NKAIN2: variants seen among roughly 807,000 people sequenced by gnomAD.
NKAIN2 encodes the protein sodium/potassium-transporting ATPase subunit beta-1-interacting protein 2.
Under a neutral mutation model 32.6 loss-of-function variants are expected in NKAIN2, and 14 were observed. The ratio of observed to expected loss-of-function variants is 0.43; its 90% CI spans 0.28 to 0.67. The LOEUF (loss-of-function observed/expected upper bound fraction) is 0.67. Among genes scored for constraint, NKAIN2 ranks in the 30% least tolerant of loss-of-function variants. The pLI is 0.17. For missense variants in NKAIN2, 198 were observed against 258.3 expected (o/e 0.77, Z 1.60); for synonymous variants, 80 against 87.2 (o/e 0.92, Z 0.46).
In NKAIN2 at chr6:124,040,760, G is replaced by A. The variant is rs145813274; in HGVS notation, c.54+236506G>A. 5.1e-4 allele frequency among the ~76,000 whole-genome samples: 77 copies of A among 151,938 alleles called. 1 individual carries two copies. Among genetic ancestry groups the A allele is most frequent in the Admixed American group, 3.4e-3 (52 of 15,234 alleles). The stretch of plus-strand genomic sequence containing the variant: ...CAAATTCTTAAAGCTGTGTTACCAC[G>A]AACAAGTTACTTAACATCTTTGATC... On this transcript the variant is annotated intron_variant, in intron 1 of 6. Transcript: ENST00000368417.
intron 4 of NKAIN2, among the ~76,000 whole-genome samples, chr6:124,768,217 G>A (rs1006090423): frequency 6.6e-6 from 1 of 152,024 alleles, no homozygotes; most frequent in Non-Finnish European, 1.5e-5. Flanking sequence ...ATTTGTAGAT[G>A]GTATATTACT....
chr6:124,401,058 T>C lies in NKAIN2; in HGVS notation c.273+45711T>C, dbSNP rs1354628863. Reference sequence around the variant, plus strand: ...ACACAATGCATTGGTCTGTTATTTTTGTTGCTGTAAAATCTTACATTTTTA... The same window carrying C: ...ACACAATGCATTGGTCTGTTATTTTCGTTGCTGTAAAATCTTACATTTTTA... On this transcript the variant is annotated intron_variant, in intron 3 of 6. Coordinates refer to ENST00000368417, the MANE Select transcript of NKAIN2 (RefSeq NM_001040214.3). 2.6e-5 allele frequency among the ~76,000 whole-genome samples: 4 copies of C among 152,228 alleles called. No homozygotes were observed. The East Asian group carries it at 7.7e-4, about 29-fold the overall frequency.
In NKAIN2 at chr6:124,256,925, G is replaced by A. The variant is rs73563752; in HGVS notation, c.55-26080G>A. Among the ~76,000 whole-genome samples, 641 of 112,292 alleles carry A rather than the reference G, an allele frequency of 5.7e-3. 5 individuals carry two copies. Among genetic ancestry groups the A allele is most frequent in the African/African-American group, 0.02 (601 of 29,398 alleles). The allele number at this position is 112,292 out of a possible 152,430, so 73.7% of individuals were successfully genotyped here. On this transcript the variant is annotated intron_variant, in intron 1 of 6. Coordinates refer to ENST00000368417, the MANE Select transcript of NKAIN2 (RefSeq NM_001040214.3). ...TTTTTTTTTTGGTAAAATATTAGAT[G>A]ACAACTGATATACAAACAACGTGCA... is the stretch of plus-strand genomic sequence containing the variant.
intron 3 of NKAIN2, among the ~76,000 whole-genome samples, chr6:124,397,633 A>G (rs768671163): frequency 4.1e-5 from 6 of 145,846 alleles, no homozygotes; most frequent in Non-Finnish European, 8.9e-5. Context: ...AAATGTGGAA[A>G]AAAAAGAATT....
intron 3 of NKAIN2, among the ~76,000 whole-genome samples, chr6:124,596,243 C>T (rs1286502956): frequency 6.6e-6 from 1 of 152,084 alleles, no homozygotes; most frequent in Non-Finnish European, 1.5e-5. Flanking sequence ...AGGGATTACC[C>T]CTGGGGCTCC....
chr6:124,074,767 C>A (rs992437588), intron 1 of NKAIN2, among the ~76,000 whole-genome samples: 1 of 152,152 alleles, frequency 6.6e-6, no homozygotes, highest in African/African-American at 2.4e-5. Context: ...CTTGGAAGTC[C>A]ATGGAACTGG....
At chr6:124,120,554 A>G (rs904623239) in intron 1 of NKAIN2, among the ~76,000 whole-genome samples, 4 of 152,198 alleles carry the variant, frequency 2.6e-5, no homozygotes, top group Non-Finnish European at 5.9e-5. Flanking sequence ...GTGAAGCTAA[A>G]TAACTTGCTG....
chr6:123,840,625 G>A (rs1359446310), intron 1 of NKAIN2, among the ~76,000 whole-genome samples: 1 of 152,034 alleles, frequency 6.6e-6, no homozygotes, highest in Non-Finnish European at 1.5e-5. Context: ...AAACATCTAA[G>A]ATCTTTTTGA....
chr6:123,925,463 A>G (rs1278156047), intron 1 of NKAIN2, among the ~76,000 whole-genome samples: 1 of 151,990 alleles, frequency 6.6e-6, no homozygotes, highest in African/African-American at 2.4e-5. Flanking sequence ...TTATGAATAG[A>G]CTCTGACTGA....
At chr6:124,157,102 CAAAAAA>C (rs386408503) in intron 1 of NKAIN2, among the ~76,000 whole-genome samples, 3 of 48,978 alleles carry the variant, frequency 6.1e-5, no homozygotes, top group Non-Finnish European at 9.8e-5. Flanking sequence ...GACTCTGTCT[CAAAAAA>C]AAAAAAAAAA....
intron 1 of NKAIN2, among the ~76,000 whole-genome samples, chr6:124,179,647 C>A (rs1789338372): frequency 6.6e-6 from 1 of 152,210 alleles, no homozygotes; most frequent in African/African-American, 2.4e-5. Context: ...CAAGGCGCAT[C>A]TGCTCCATTT....
At chr6:123,959,044 T>C (rs1002511382) in intron 1 of NKAIN2, among the ~76,000 whole-genome samples, 29 of 152,078 alleles carry the variant, frequency 1.9e-4, no homozygotes, top group African/African-American at 6.8e-4. Flanking sequence ...TCAGTGTGAG[T>C]ATTTGGCGGC....
At chr6:124,026,222 C>T (rs751933183) in intron 1 of NKAIN2, among the ~76,000 whole-genome samples, 1 of 152,114 alleles carries the variant, frequency 6.6e-6, no homozygotes, top group Admixed American at 6.6e-5. Flanking sequence ...AATGAATTTG[C>T]CATGCTTTTC....
At chr6:123,834,201 C>T (rs1774513112) in intron 1 of NKAIN2, among the ~76,000 whole-genome samples, 1 of 152,192 alleles carries the variant, frequency 6.6e-6, no homozygotes, top group African/African-American at 2.4e-5. Context: ...GTTGCCCAGG[C>T]TGGCGTGCAA....
intron 3 of NKAIN2, among the ~76,000 whole-genome samples, chr6:124,604,247 T>A (rs1465862536): frequency 6.6e-6 from 1 of 151,986 alleles, no homozygotes; most frequent in Non-Finnish European, 1.5e-5. Flanking sequence ...ACACACTACA[T>A]TTTAAATTTT....
In NKAIN2 at chr6:123,947,209, G is replaced by T. The variant is rs140532617; in HGVS notation, c.54+142955G>T. 3.4e-3 allele frequency among the ~76,000 whole-genome samples: 525 copies of T among 152,276 alleles called. 3 individuals carry two copies. The highest frequency in any genetic ancestry group is 0.012 in the African/African-American group (502 of 41,562). ...CCCTTTGTCTTCAGATCAGGTCTGT[G>T]TTCTGGGAAGCTTGTTATCACTAAT... On this transcript the variant is annotated intron_variant, in intron 1 of 6. Coordinates refer to ENST00000368417, the MANE Select transcript of NKAIN2 (RefSeq NM_001040214.3).
chr6:124,684,810 ACAATAGC>A (rs2114514746), intron 4 of NKAIN2, among the ~76,000 whole-genome samples: 1 of 152,320 alleles, frequency 6.6e-6, no homozygotes, highest in African/African-American at 2.4e-5. Context: ...AATGCCAATA[ACAATAGC>A]AAACCACCCT....
chr6:124,665,611 C>A (rs1772760548), intron 4 of NKAIN2, among the ~76,000 whole-genome samples: 1 of 152,248 alleles, frequency 6.6e-6, no homozygotes, highest in African/African-American at 2.4e-5. Flanking sequence ...GTAGGGACTA[C>A]ATGGTACACT....
intron 1 of NKAIN2, among the ~76,000 whole-genome samples, chr6:123,842,224 A>C (rs567451477): frequency 6.6e-6 from 1 of 152,290 alleles, no homozygotes; most frequent in South Asian, 2.1e-4. Context: ...AAAATACCAC[A>C]CACTGGGTGG....
Sources: gnomAD v4.1 joint callset for allele counts (sites outside exome capture counted in the v4.1 genomes callset) on GRCh38, gnomAD v4.1.1 for gene constraint, MANE v1.5 for transcripts, NCBI Gene and HGNC (gene_info 2026-07-23, HGNC 2026-07-21) for gene names.